PRR14L: variants seen among roughly 807,000 people sequenced by gnomAD.
PRR14L encodes the protein protein PRR14L.
PRR14L carries 80 observed loss-of-function variants against 155.0 expected under a neutral mutation model. The ratio of observed to expected loss-of-function variants is 0.52; its 90% CI spans 0.43 to 0.62. The LOEUF (loss-of-function observed/expected upper bound fraction) is 0.62, where lower values mean the gene tolerates loss of function less well. PRR14L is among the 20% of genes least tolerant of loss of function. The pLI is 0.00. For missense variants in PRR14L, 2,469 were observed against 2,548.0 expected (o/e 0.97, Z 0.67); for synonymous variants, 883 against 916.0 (o/e 0.96, Z 0.65).
chr22:31,699,701 T>C (rs1184957388), intron 7 of PRR14L, among the ~76,000 whole-genome samples: 1 of 152,228 alleles, frequency 6.6e-6, no homozygotes, highest in Non-Finnish European at 1.5e-5. Flanking sequence ...CAGTGTTTTA[T>C]ATCATTTTCC....
At chr22:31,711,526 A>G (rs1481337043) in intron 4 of PRR14L, among the ~76,000 whole-genome samples, 2 of 152,062 alleles carry the variant, frequency 1.3e-5, no homozygotes, top group Non-Finnish European at 2.9e-5. Context: ...TATGCATGCA[A>G]TCCTAGCACT....
At chr22:31,689,961 G>C (rs1053584585) in intron 7 of PRR14L, among the ~76,000 whole-genome samples, 3 of 151,764 alleles carry the variant, frequency 2.0e-5, no homozygotes, top group African/African-American at 7.3e-5. Context: ...TCTGTTGCCA[G>C]GCTGGAGTGC....
At chr22:31,722,115 A>G (rs766647563) in intron 3 of PRR14L, among the ~76,000 whole-genome samples, 10 of 152,184 alleles carry the variant, frequency 6.6e-5, no homozygotes, top group Non-Finnish European at 1.5e-4. Flanking sequence ...TAGTAAGTAT[A>G]TATTAGATTT....
At position 31,684,572 on chromosome 22, in the gene PRR14L, G is replaced by T. The variant is rs2074472661; in HGVS notation, c.*955C>A. 1 of 152,106 alleles carries T rather than the reference G, an allele frequency of 6.6e-6. No homozygotes were observed. The highest frequency in any genetic ancestry group is 1.5e-5 in the Non-Finnish European group (1 of 68,028). The allele number at this position is 152,106 out of a possible 1,614,324, so 9.4% of individuals were successfully genotyped here. A position where few individuals can be genotyped will look rare whatever the true frequency, so the allele number is the denominator to read the frequency against. Reference sequence around the variant, plus strand: ...TCACTAAAATAAATACATGTATTTGGTGGGCAAGAATGAGAACCCAGATGA... The same window carrying T: ...TCACTAAAATAAATACATGTATTTGTTGGGCAAGAATGAGAACCCAGATGA... On this transcript the variant is annotated 3_prime_UTR_variant, in exon 9 of 9. Coordinates refer to ENST00000327423, the MANE Select transcript of PRR14L (RefSeq NM_173566.3).
At chr22:31,688,325 T>C in intron 7 of PRR14L, 98 bp from the exon 8 acceptor site, 1 of 1,373,422 alleles carries the variant, frequency 7.3e-7, no homozygotes, top group Non-Finnish European at 9.5e-7. Flanking sequence ...GGCAGTGACA[T>C]GATCATAGCT....
At chr22:31,728,888 C>CA (rs1377330883) in intron 2 of PRR14L, among the ~76,000 whole-genome samples, 1 of 151,834 alleles carries the variant, frequency 6.6e-6, no homozygotes, top group Non-Finnish European at 1.5e-5. Context: ...ATGTAAGCAC[C>CA]AAAAAAACAA....
At chr22:31,746,417 T>C (rs567756758) in intron 1 of PRR14L, among the ~76,000 whole-genome samples, 1 of 152,338 alleles carries the variant, frequency 6.6e-6, no homozygotes, top group South Asian at 2.1e-4. Flanking sequence ...AAGTGTTAAA[T>C]GTGAAGTAAA....
chr22:31,745,754 C>T (rs1030702239), intron 1 of PRR14L, among the ~76,000 whole-genome samples: 3 of 148,404 alleles, frequency 2.0e-5, no homozygotes, highest in African/African-American at 7.5e-5. Context: ...GGCTAAGGCA[C>T]GAGAATCGCT....
intron 4 of PRR14L, among the ~76,000 whole-genome samples, chr22:31,711,209 A>G (rs1160899853): frequency 6.6e-6 from 1 of 152,020 alleles, no homozygotes; most frequent in Non-Finnish European, 1.5e-5. Flanking sequence ...TGTGGTGGCT[A>G]CCGCCTGTAA....
chr22:31,716,416 T>C lies in PRR14L; in HGVS notation c.1423A>G (p.Asn475Asp), dbSNP rs960383799. 1.3e-6 allele frequency: 2 copies of C among 1,550,532 alleles called. No homozygotes were observed. The highest frequency in any genetic ancestry group is 1.7e-6 in the Non-Finnish European group (2 of 1,146,684). The change falls in exon 4 of 9, where the codon AAT (asparagine) becomes GAT (aspartate). Residue 475 changes from asparagine (N) to aspartate (D), a missense_variant. Around this residue, in one of 2 missense-constraint regions of PRR14L, gnomAD observed 2,363 missense variants for 2,371.6 expected, o/e 1.00. Transcript: ENST00000327423. ...ACGTGTACAGTAATTTTCAAATCAT[T>C]TTTATTTAACATTACTTCTGTGGCT... ...TEATEVMLNK[N>D]DLKITVHVQG...
At chr22:31,690,969 CT>C (rs1226418542) in intron 7 of PRR14L, among the ~76,000 whole-genome samples, 175 of 124,940 alleles carry the variant, frequency 1.4e-3, no homozygotes, top group Admixed American at 1.4e-3. Flanking sequence ...TTTTCTATTT[CT>C]TTTTTTTTTT....
Position 31,738,701 on chromosome 22 carries a change from T to C in PRR14L, c.160A>G (p.Ser54Gly), listed in dbSNP as rs1028122081. 3 of 1,551,782 alleles carry C rather than the reference T, an allele frequency of 1.9e-6. No individual in the cohort carries two copies. Among genetic ancestry groups the C allele is most frequent in the African/African-American group, 1.4e-5 (1 of 73,060 alleles). Reference protein sequence around the residue: ...VIPDVKPGASSSLLSQNRALP... With the variant: ...VIPDVKPGASGSLLSQNRALP... Reference sequence around the variant, plus strand: ...GCCCTATTCTGACTTAAAAGAGAGCTTGAGGCTCCAGGTTTTACATCTGGA... The same window carrying C: ...GCCCTATTCTGACTTAAAAGAGAGCCTGAGGCTCCAGGTTTTACATCTGGA... Residue 54 changes from serine (S) to glycine (G), a missense_variant, in exon 2 of 9, where the codon AGC becomes GGC. Transcript: ENST00000327423.
chr22:31,731,049 A>G (rs182379493), intron 2 of PRR14L, among the ~76,000 whole-genome samples: 33 of 152,106 alleles, frequency 2.2e-4, no homozygotes, highest in Admixed American at 2.0e-3. Flanking sequence ...ATATCCCCAT[A>G]ATTTTCTGAG....
rs1240642311 is a variant in PRR14L, at chr22:31,685,694, G to A, written c.6289C>T (p.Arg2097Ter). ...VLEFQDFTVP[R>*]KRRARGKVKV... ...ACTTTGCCTCGAGCTCTCCTCTTTC[G>A]CGGGACTGTAAAATCCTGAAATTCT... Residue 2097 changes from arginine (R) to a stop codon, truncating the protein, a stop_gained, in exon 9 of 9, where the codon CGA becomes TGA. Transcript: ENST00000327423. LOFTEE classifies it high-confidence loss of function. 4 of 1,551,588 alleles carry A rather than the reference G, an allele frequency of 2.6e-6. No homozygotes were observed. The highest frequency in any genetic ancestry group is 3.5e-6 in the Non-Finnish European group (4 of 1,146,980).
At chr22:31,704,043 C>T (rs941476782) in intron 5 of PRR14L, among the ~76,000 whole-genome samples, 5 of 151,810 alleles carry the variant, frequency 3.3e-5, no homozygotes, top group African/African-American at 7.3e-5. Flanking sequence ...GTGATCCACC[C>T]GCACCGGCCT....
At chr22:31,735,642 GAA>G (rs11443259) in intron 2 of PRR14L, among the ~76,000 whole-genome samples, 8 of 130,440 alleles carry the variant, frequency 6.1e-5, no homozygotes, top group East Asian at 2.2e-4. Context: ...CCCTAAATTG[GAA>G]AAAAAAAAAA....
At chr22:31,701,280 A>G (rs915115087) in intron 7 of PRR14L, among the ~76,000 whole-genome samples, 2 of 152,074 alleles carry the variant, frequency 1.3e-5, no homozygotes, top group Non-Finnish European at 1.5e-5. Flanking sequence ...GAGCCACTGC[A>G]CCCGGCTTGG....
intron 2 of PRR14L, among the ~76,000 whole-genome samples, chr22:31,733,147 C>G (rs1038397184): frequency 1.3e-5 from 2 of 151,854 alleles, no homozygotes; most frequent in African/African-American, 4.8e-5. Context: ...GCCACACGCC[C>G]GGCTAATTTT....
At chr22:31,704,256 T>G (rs1353230800) in intron 5 of PRR14L, among the ~76,000 whole-genome samples, 1 of 152,184 alleles carries the variant, frequency 6.6e-6, no homozygotes, top group African/African-American at 2.4e-5. Context: ...TGGAATTTTA[T>G]AAGGAAAAAT....
Sources: allele counts gnomAD v4.1 joint callset (sites outside exome capture counted in the v4.1 genomes callset), GRCh38; gene constraint gnomAD v4.1.1; regional missense constraint gnomAD v4.1.1; transcripts MANE v1.5; gene names NCBI Gene and HGNC (gene_info 2026-07-23, HGNC 2026-07-21).